Variants in OR56A3 observed in about 807,000 individuals in gnomAD.
OR56A3 encodes olfactory receptor 56A3.
A neutral mutation model predicts 17.5 loss-of-function variants in OR56A3; 23 were observed. The ratio of observed to expected loss-of-function variants is 1.32; its 90% CI spans 0.95 to 1.87. The LOEUF is 1.87. Ranked by LOEUF, OR56A3 falls within the 40% of genes most tolerant of loss-of-function variation. The probability of loss-of-function intolerance (pLI) is 0.00; values close to 1 mark genes in which losing one functional copy is unlikely to be tolerated. For missense variants in OR56A3, 366 were observed against 380.1 expected, an observed-to-expected ratio of 0.96 and a Z score of 0.31; for synonymous variants, 175 against 150.6, an observed-to-expected ratio of 1.16 and a Z score of -1.19.
At chr11:6,011,786 G>A in the OR56A3 span, among the ~76,000 whole-genome samples, 5 of 152,198 alleles carry the variant, frequency 3.3e-5, no homozygotes, top group African/African-American at 1.2e-4. Context: ...AGCAGTGAGG[G>A]GTGGGTGTGA....
the OR56A3 span, chr11:6,002,569 G>C: frequency 1.2e-6 from 2 of 1,614,204 alleles, no homozygotes; most frequent in South Asian, 1.1e-5. Context: ...GCCACAAACT[G>C]GTCAGTGATG....
the OR56A3 span, among the ~76,000 whole-genome samples, chr11:5,995,678 T>G: frequency 6.6e-6 from 1 of 152,236 alleles, no homozygotes. Flanking sequence ...CAATGTGGAA[T>G]AGTTAAATCT....
At chr11:5,987,891 G>T in the OR56A3 span, among the ~76,000 whole-genome samples, 9 of 151,864 alleles carry the variant, frequency 5.9e-5, no homozygotes, top group East Asian at 3.9e-4. Context: ...GAAGTCATGG[G>T]TTTTTTTTCT....
chr11:6,016,395 C>G, the OR56A3 span, among the ~76,000 whole-genome samples: 5 of 152,098 alleles, frequency 3.3e-5, no homozygotes, highest in Admixed American at 6.5e-5. Flanking sequence ...GACTAATACT[C>G]ACTGATTACA....
At chr11:5,945,481 C>G (rs959482203) in intron 2 of OR56A3, among the ~76,000 whole-genome samples, 16 of 149,646 alleles carry the variant, frequency 1.1e-4, no homozygotes, top group African/African-American at 3.9e-4. Flanking sequence ...ACTCTGGAGG[C>G]TGAGGCGGGA....
chr11:5,975,542 A>C, the OR56A3 span, among the ~76,000 whole-genome samples: 2 of 151,754 alleles, frequency 1.3e-5, no homozygotes, highest in Admixed American at 6.6e-5. Flanking sequence ...TGAACTCATC[A>C]TTTTTTATGG....
chr11:6,002,356 CA>C, the OR56A3 span: 5 of 1,614,130 alleles, frequency 3.1e-6, no homozygotes, highest in South Asian at 5.5e-5. Flanking sequence ...AGGATAAGAT[CA>C]GAGCCCAACA....
the OR56A3 span, among the ~76,000 whole-genome samples, chr11:6,003,559 CCACTCAGTCA>C: frequency 6.6e-6 from 1 of 152,158 alleles, no homozygotes; most frequent in Non-Finnish European, 1.5e-5. Flanking sequence ...ACACACACAA[CCACTCAGTCA>C]CACTGGGACA....
the OR56A3 span, among the ~76,000 whole-genome samples, chr11:5,962,600 G>A: frequency 1.3e-5 from 2 of 149,218 alleles, no homozygotes; most frequent in Admixed American, 6.7e-5. Flanking sequence ...CTGCAGTGGC[G>A]CAATCTCGGC....
chr11:5,988,436 A>G, the OR56A3 span, among the ~76,000 whole-genome samples: 1 of 152,190 alleles, frequency 6.6e-6, no homozygotes. Flanking sequence ...AATTTTGTCC[A>G]TTTCATATTC....
the OR56A3 span, chr11:5,986,421 T>C: frequency 6.2e-7 from 1 of 1,613,912 alleles, no homozygotes; most frequent in Non-Finnish European, 8.5e-7. Flanking sequence ...GGAGTAGTAA[T>C]CCCCTCACCA....
chr11:6,007,335 G>A, the OR56A3 span, among the ~76,000 whole-genome samples: 1 of 152,154 alleles, frequency 6.6e-6, no homozygotes, highest in African/African-American at 2.4e-5. Context: ...GTTTGTCAAA[G>A]GATATAAAAT....
the OR56A3 span, chr11:5,986,953 T>A: frequency 6.2e-7 from 1 of 1,604,442 alleles, no homozygotes; most frequent in African/African-American, 1.3e-5. Context: ...CCTGCTACAT[T>A]ATCACATTGT....
chr11:5,970,222 T>C, the OR56A3 span, among the ~76,000 whole-genome samples: 1 of 152,178 alleles, frequency 6.6e-6, no homozygotes, highest in South Asian at 2.1e-4. Flanking sequence ...CATAGGACTT[T>C]AAATAGATAT....
chr11:5,987,092 A>T, the OR56A3 span: 1 of 650,946 alleles, frequency 1.5e-6, no homozygotes, highest in East Asian at 2.7e-5. Context: ...AGACATCCAC[A>T]TGTCTGAATT....
chr11:5,953,057 A>G (rs1238941790), downstream of OR56A3, among the ~76,000 whole-genome samples: 2 of 152,188 alleles, frequency 1.3e-5, no homozygotes, highest in African/African-American at 4.8e-5. Flanking sequence ...TCCACCATTG[A>G]TGGGCACCTA....
At chr11:5,967,623 T>C in the OR56A3 span, 1 of 1,613,768 alleles carries the variant, frequency 6.2e-7, no homozygotes, top group Non-Finnish European at 8.5e-7. Context: ...AACAATGGGG[T>C]TCAGAGCTGG....
chr11:6,012,025 G>A, the OR56A3 span, among the ~76,000 whole-genome samples: 5 of 152,226 alleles, frequency 3.3e-5, no homozygotes, highest in African/African-American at 7.2e-5. Flanking sequence ...GGCTCAGGGA[G>A]CTCCCAGATC....
the OR56A3 span, chr11:5,986,973 G>A: frequency 1.3e-6 from 2 of 1,578,362 alleles, no homozygotes; most frequent in Non-Finnish European, 1.7e-6. Flanking sequence ...TCCAAATGGG[G>A]CAACCATCAT....
Sources: gnomAD v4.1 joint callset for allele counts (sites outside exome capture counted in the v4.1 genomes callset) on GRCh38, gnomAD v4.1.1 for gene constraint, MANE v1.5 for transcripts, NCBI Gene and HGNC (gene_info 2026-07-23, HGNC 2026-07-21) for gene names.